ZNF841: variants seen among roughly 807,000 people sequenced by gnomAD.
ZNF841 encodes the protein zinc finger protein 841, also known as TCONS_00006091.
A neutral mutation model predicts 13.0 loss-of-function variants in ZNF841; 11 were observed. The observed-to-expected ratio is 0.85, with a 90% CI of 0.53 to 1.40. The LOEUF (loss-of-function observed/expected upper bound fraction) is 1.40. Among genes scored for constraint, ZNF841 ranks in the 40% most tolerant of loss-of-function variants. The pLI, the probability that ZNF841 is intolerant of heterozygous loss-of-function variation, is 0.00. For missense variants in ZNF841, 1,068 were observed against 1,139.5 expected, an observed-to-expected ratio of 0.94 and a Z score of 0.90; for synonymous variants, 369 against 381.6, an observed-to-expected ratio of 0.97 and a Z score of 0.38.
intron 4 of ZNF841, among the ~76,000 whole-genome samples, chr19:52,079,009 T>G (rs1040651639): frequency 1.3e-5 from 2 of 152,192 alleles, no homozygotes; most frequent in Non-Finnish European, 2.9e-5. Context: ...TTTAGCATGC[T>G]TGGGACAATG....
chr19:52,070,469 A>T (rs970015478), intron 6 of ZNF841, among the ~76,000 whole-genome samples: 1 of 152,228 alleles, frequency 6.6e-6, no homozygotes, highest in South Asian at 2.1e-4. Flanking sequence ...TGCGCAGTCC[A>T]GAGTAGGCTT....
At position 52,076,145 on chromosome 19, in the gene ZNF841, A is replaced by T; in HGVS notation, c.170T>A (p.Ile57Asn). ...CTCTTTCCCTTGCTCCAACATGGAG[A>T]TAATATTCAGGTCAGGAAGACAGAG... Reference protein sequence around the residue: ...LGLCLPDLNIISMLEQGKEPW... With the variant: ...LGLCLPDLNINSMLEQGKEPW... Residue 57 changes from isoleucine to asparagine, a missense_variant, in exon 6 of 7, where the codon ATC becomes AAC. By Grantham distance (149) the Ile-to-Asn change is moderately radical. Coordinates refer to ENST00000594440, the MANE Select transcript of ZNF841 (RefSeq NM_001136499.2). 1 of 1,556,610 alleles carries T rather than the reference A, an allele frequency of 6.4e-7. No individual in the cohort carries two copies. The highest frequency in any genetic ancestry group is 1.2e-5 in the South Asian group (1 of 84,436).
chr19:52,094,585 C>T (rs963518748), intron 1 of ZNF841, among the ~76,000 whole-genome samples: 6 of 152,068 alleles, frequency 3.9e-5, no homozygotes, highest in Admixed American at 1.3e-4. Flanking sequence ...CTCTGCTCTC[C>T]TTGTTAAATT....
At chr19:52,093,028 A>C (rs569718645) in intron 2 of ZNF841, among the ~76,000 whole-genome samples, 7 of 152,314 alleles carry the variant, frequency 4.6e-5, no homozygotes, top group African/African-American at 1.7e-4. Context: ...AGGCAGGAGA[A>C]TCATTTGAAC....
At chr19:52,075,930 C>G (rs2087884528) in intron 6 of ZNF841, 114 bp downstream of exon 6, 1 of 1,391,688 alleles carries the variant, frequency 7.2e-7, no homozygotes, top group African/African-American at 1.5e-5. Flanking sequence ...AAGAAGAAAA[C>G]TTCTGGAGCT....
chr19:52,064,386 A>AAAC (rs2087470758), downstream of ZNF841: 5 of 147,742 alleles, frequency 3.4e-5, no homozygotes, highest in Non-Finnish European at 6.0e-5. Flanking sequence ...AAAAAAAAAA[A>AAAC]AAACTTAGCT....
At chr19:52,070,963 G>A (rs2087721632) in intron 6 of ZNF841, among the ~76,000 whole-genome samples, 1 of 152,232 alleles carries the variant, frequency 6.6e-6, no homozygotes, top group African/African-American at 2.4e-5. Context: ...CAAAGGGCAA[G>A]AGGGGAGATC....
chr19:52,072,394 C>T (rs1463041954), intron 6 of ZNF841, among the ~76,000 whole-genome samples: 1 of 151,994 alleles, frequency 6.6e-6, no homozygotes, highest in African/African-American at 2.4e-5. Context: ...CAGAACTGCA[C>T]ATGAAACATT....
chr19:52,070,884 T>C (rs1159003311), intron 6 of ZNF841, among the ~76,000 whole-genome samples: 3 of 152,148 alleles, frequency 2.0e-5, no homozygotes, highest in African/African-American at 7.2e-5. Flanking sequence ...GAGTATAAAA[T>C]TAATATGCTA....
At chr19:52,085,451 C>T (rs1847783192) in intron 3 of ZNF841, among the ~76,000 whole-genome samples, 1 of 152,202 alleles carries the variant, frequency 6.6e-6, no homozygotes, top group South Asian at 2.1e-4. Context: ...CTCTGCTGTC[C>T]CCTTGGGGCT....
At chr19:52,083,746 A>G (rs773401468) in intron 4 of ZNF841, among the ~76,000 whole-genome samples, 7 of 149,838 alleles carry the variant, frequency 4.7e-5, no homozygotes, top group Non-Finnish European at 8.8e-5. Flanking sequence ...AAGGTACACA[A>G]TATAGCAAGG....
chr19:52,059,390 T>TATATATATATACACACACACAC, the ZNF841 span, among the ~76,000 whole-genome samples: 6 of 96,358 alleles, frequency 6.2e-5, no homozygotes, highest in African/African-American at 2.5e-4. Context: ...TATATATATA[T>TATATATATATACACACACACAC]ACACACACAC....
At chr19:52,059,370 A>AATATAT in the ZNF841 span, among the ~76,000 whole-genome samples, 110 of 69,614 alleles carry the variant, frequency 1.6e-3, 5 homozygotes, top group African/African-American at 7.9e-3. Context: ...AAAAAAAAAA[A>AATATAT]ATATATATAT....
At chr19:52,068,323 G>C (rs1164424470) in intron 6 of ZNF841, among the ~76,000 whole-genome samples, 1 of 152,062 alleles carries the variant, frequency 6.6e-6, no homozygotes, top group Non-Finnish European at 1.5e-5. Flanking sequence ...AGCAGTGTCA[G>C]AACTGGTTAG....
chr19:52,059,900 A>G (rs987257716), downstream of ZNF841, among the ~76,000 whole-genome samples: 1 of 152,194 alleles, frequency 6.6e-6, no homozygotes, highest in African/African-American at 2.4e-5. Context: ...TTTTGCAACC[A>G]ATCAGATATT....
At chr19:52,062,745 C>CT (rs1229988794), downstream of ZNF841, among the ~76,000 whole-genome samples, 3 of 152,056 alleles carry the variant, frequency 2.0e-5, no homozygotes, top group African/African-American at 7.2e-5. Flanking sequence ...TACATATTAC[C>CT]TGGGGTTTTA....
In ZNF841 at chr19:52,065,100, G is replaced by T. The variant is rs757297399; in HGVS notation, c.*7C>A. On this transcript the variant is annotated 3_prime_UTR_variant, in exon 7 of 7. Coordinates refer to ENST00000594440, the MANE Select transcript of ZNF841 (RefSeq NM_001136499.2). ...ACAAATATACAAGCTATATGAGTAA[G>T]TATAAATTATTTGGGGATCCCAGAG... The T allele has an allele frequency of 6.7e-7, 1 of 1,496,786 alleles. No homozygotes were observed. The highest frequency in any genetic ancestry group is 1.4e-5 in the African/African-American group (1 of 71,030). The allele number at this position is 1,496,786 out of a possible 1,614,324, so 92.7% of individuals were successfully genotyped here.
At chr19:52,059,524 T>C (rs974619411), downstream of ZNF841, among the ~76,000 whole-genome samples, 4 of 151,746 alleles carry the variant, frequency 2.6e-5, no homozygotes, top group African/African-American at 9.7e-5. Flanking sequence ...AATTGTACAA[T>C]GTGGAAGCAA....
At chr19:52,074,612 A>G (rs906620062) in intron 6 of ZNF841, among the ~76,000 whole-genome samples, 7 of 152,018 alleles carry the variant, frequency 4.6e-5, no homozygotes, top group African/African-American at 1.7e-4. Flanking sequence ...CGCCTCCCAG[A>G]TTTGAGAGAT....
Sources: gnomAD v4.1 joint callset for allele counts (sites outside exome capture counted in the v4.1 genomes callset) on GRCh38, gnomAD v4.1.1 for gene constraint, MANE v1.5 for transcripts, NCBI Gene and HGNC (gene_info 2026-07-23, HGNC 2026-07-21) for gene names.